Variants in SOX5 observed in about 807,000 individuals in gnomAD.
SOX5 encodes SRY-box transcription factor 5, also known as transcription factor SOX-5.
SOX5 carries 9 observed loss-of-function variants against 92.0 expected under a neutral mutation model. The observed-to-expected ratio is 0.10, with a 90% CI of 0.06 to 0.17. The LOEUF is 0.17. SOX5 is among the 10% of genes least tolerant of loss of function. The pLI is 1.00. For synonymous variants in SOX5, 344 were observed against 336.3 expected, an observed-to-expected ratio of 1.02 and a Z score of -0.25; for missense variants, 642 against 944.5, an observed-to-expected ratio of 0.68 and a Z score of 4.20.
intron 11 of SOX5, among the ~76,000 whole-genome samples, chr12:23,558,766 C>G (rs1236933552): frequency 6.6e-6 from 1 of 152,122 alleles, no homozygotes; most frequent in Non-Finnish European, 1.5e-5. Flanking sequence ...CCACACCTGG[C>G]TAATTTTGTA....
At chr12:23,641,368 T>C (rs532375845) in intron 7 of SOX5, among the ~76,000 whole-genome samples, 1 of 152,340 alleles carries the variant, frequency 6.6e-6, no homozygotes, top group East Asian at 1.9e-4. Context: ...ATTCAAATAA[T>C]CTTAATCTCT....
In SOX5 at chr12:24,479,324, C is replaced by T. The variant is rs1473264713; in HGVS notation, c.-251+83005G>A. ...ATTGTATGTGTCATTTTCTACTCCG[C>T]GTATTTGTTTTATACATGTTTTATC... On this transcript the variant is annotated intron_variant, in intron 1 of 4. Coordinates refer to the SOX5 transcript ENST00000446891. Among the ~76,000 whole-genome samples the T allele has an allele frequency of 3.3e-5, 5 of 152,276 alleles. No homozygotes were observed. The East Asian group carries it at 7.7e-4, about 23-fold the overall frequency.
intron 4 of SOX5, among the ~76,000 whole-genome samples, chr12:24,153,519 A>G (rs1281520068): frequency 6.6e-6 from 1 of 152,154 alleles, no homozygotes; most frequent in Non-Finnish European, 1.5e-5. Flanking sequence ...ACGCCAGGAT[A>G]TTGGAAGTAG....
At chr12:24,058,576 T>C (rs944352141) in intron 4 of SOX5, among the ~76,000 whole-genome samples, 12 of 152,222 alleles carry the variant, frequency 7.9e-5, no homozygotes, top group African/African-American at 2.4e-4. Flanking sequence ...CTAGCAGCAC[T>C]TTCTTGTTTA....
At chr12:23,717,354 G>A (rs944045959) in intron 6 of SOX5, among the ~76,000 whole-genome samples, 1 of 152,134 alleles carries the variant, frequency 6.6e-6, no homozygotes, top group Non-Finnish European at 1.5e-5. Context: ...TTCATTAAGA[G>A]ATGTAGCAAA....
intron 1 of SOX5, among the ~76,000 whole-genome samples, chr12:24,488,313 G>A (rs1482587097): frequency 6.6e-6 from 1 of 152,166 alleles, no homozygotes; most frequent in Non-Finnish European, 1.5e-5. Context: ...ACAAAGCAGG[G>A]TGTGGTAACT....
chr12:24,212,370 A>G (rs532458896), intron 4 of SOX5: 6 of 531,872 alleles, frequency 1.1e-5, no homozygotes, highest in South Asian at 8.5e-5. Flanking sequence ...GATCACACTG[A>G]AGGACAAAGA....
chr12:24,424,808 TGG>T (rs60026658), intron 1 of SOX5, among the ~76,000 whole-genome samples: 8 of 138,374 alleles, frequency 5.8e-5, no homozygotes, highest in African/African-American at 2.2e-4. Flanking sequence ...GTTTTTTTTT[TGG>T]GGGGGGGGGA....
At chr12:24,550,078 G>T (rs960195783) in intron 1 of SOX5, among the ~76,000 whole-genome samples, 6 of 152,192 alleles carry the variant, frequency 3.9e-5, no homozygotes, top group Admixed American at 3.9e-4. Flanking sequence ...CAGCTATGCC[G>T]TTTGCTAGCT....
At chr12:24,019,590 T>C (rs1315667045) in intron 4 of SOX5, among the ~76,000 whole-genome samples, 1 of 152,192 alleles carries the variant, frequency 6.6e-6, no homozygotes, top group East Asian at 1.9e-4. Flanking sequence ...CATCTTGGTA[T>C]AAAGCTTAAA....
At chr12:23,807,479 C>G (rs535167601) in intron 3 of SOX5, among the ~76,000 whole-genome samples, 3 of 152,156 alleles carry the variant, frequency 2.0e-5, no homozygotes, top group Non-Finnish European at 4.4e-5. Context: ...AGAGATTAGA[C>G]TGATATAGTT....
intron 1 of SOX5, among the ~76,000 whole-genome samples, chr12:24,382,496 C>T (rs1957934788): frequency 6.6e-6 from 1 of 152,108 alleles, no homozygotes; most frequent in Non-Finnish European, 1.5e-5. Flanking sequence ...TAAGGGCTGA[C>T]TCTGCTCCTC....
chr12:23,790,546 TCTCA>T (rs2095455850), intron 3 of SOX5, among the ~76,000 whole-genome samples: 23 of 76,052 alleles, frequency 3.0e-4, no homozygotes, highest in East Asian at 9.0e-4. Flanking sequence ...TCTCTCAATC[TCTCA>T]CACACACACA....
At chr12:24,050,181 A>C (rs1483061587) in intron 4 of SOX5, among the ~76,000 whole-genome samples, 1 of 151,780 alleles carries the variant, frequency 6.6e-6, no homozygotes, top group Non-Finnish European at 1.5e-5. Context: ...GGTTTCTTAA[A>C]ATGTGGATTT....
intron 7 of SOX5, among the ~76,000 whole-genome samples, chr12:23,649,739 C>A (rs999922176): frequency 4.6e-5 from 7 of 152,086 alleles, no homozygotes; most frequent in Non-Finnish European, 1.0e-4. Context: ...TCAATTGCAT[C>A]ATTATTATAG....
chr12:23,785,941 C>T (rs1041513243), intron 3 of SOX5, among the ~76,000 whole-genome samples: 1 of 151,688 alleles, frequency 6.6e-6, no homozygotes, highest in African/African-American at 2.4e-5. Flanking sequence ...TTGGCATTTT[C>T]TTTCCTTGTT....
At chr12:24,361,919 T>A (rs940345865) in intron 2 of SOX5, among the ~76,000 whole-genome samples, 8 of 152,216 alleles carry the variant, frequency 5.3e-5, no homozygotes, top group African/African-American at 1.9e-4. Flanking sequence ...AGTCCAGAGC[T>A]ACGCTGATGA....
intron 1 of SOX5, among the ~76,000 whole-genome samples, chr12:24,487,866 AC>A (rs549280773): frequency 2.2e-3 from 337 of 152,180 alleles, no homozygotes; most frequent in Non-Finnish European, 3.8e-3. Context: ...TTCCCCAAAG[AC>A]AAAAACTTTC....
At chr12:24,189,896 C>T (rs1212359802) in intron 4 of SOX5, among the ~76,000 whole-genome samples, 1 of 152,106 alleles carries the variant, frequency 6.6e-6, no homozygotes, top group African/African-American at 2.4e-5. Flanking sequence ...AAATTTTAAG[C>T]TTACCAATGG....
Sources: allele counts gnomAD v4.1 joint callset (sites outside exome capture counted in the v4.1 genomes callset), GRCh38; gene constraint gnomAD v4.1.1; transcripts MANE v1.5; gene names NCBI Gene and HGNC (gene_info 2026-07-23, HGNC 2026-07-21).